Variants in RANBP2 observed in about 807,000 individuals in gnomAD.
RANBP2 encodes RAN binding protein 2.
Under a neutral mutation model 303.6 loss-of-function variants are expected in RANBP2, and 57 were observed. The observed-to-expected ratio is 0.19, with a 90% CI of 0.15 to 0.23. RANBP2 has a LOEUF of 0.23. RANBP2 is among the 10% of genes least tolerant of loss of function. The probability of loss-of-function intolerance (pLI) is 1.00; values close to 1 mark genes in which losing one functional copy is unlikely to be tolerated. For synonymous variants in RANBP2, 1,167 were observed against 1,301.5 expected, an observed-to-expected ratio of 0.90 and a Z score of 2.23; for missense variants, 3,138 against 3,780.8, an observed-to-expected ratio of 0.83 and a Z score of 4.46.
At chr2:109,581,470 T>C in the RANBP2 span, among the ~76,000 whole-genome samples, 1 of 151,622 alleles carries the variant, frequency 6.6e-6, no homozygotes, top group Non-Finnish European at 1.5e-5. Context: ...GTAAAGTTTA[T>C]TCTATGTACA....
At chr2:109,009,253 T>C in the RANBP2 span, among the ~76,000 whole-genome samples, 3 of 151,836 alleles carry the variant, frequency 2.0e-5, no homozygotes, top group Non-Finnish European at 4.4e-5. Context: ...GGCAGGAGAA[T>C]GGCATCAACC....
chr2:109,129,352 TCCCCGCCAC>T, the RANBP2 span: 5 of 871,120 alleles, frequency 5.7e-6, no homozygotes, highest in Non-Finnish European at 8.8e-6. Context: ...CGCAGGCCGG[TCCCCGCCAC>T]GCAGGCCGGT....
At chr2:108,850,139 GA>G in the RANBP2 span, among the ~76,000 whole-genome samples, 2 of 152,138 alleles carry the variant, frequency 1.3e-5, no homozygotes, top group South Asian at 2.1e-4. Context: ...TAAATATACT[GA>G]AAAAAATTCT....
At chr2:109,164,747 A>G in the RANBP2 span, among the ~76,000 whole-genome samples, 2 of 152,322 alleles carry the variant, frequency 1.3e-5, no homozygotes, top group Admixed American at 6.5e-5. Flanking sequence ...TGGCTTGCAG[A>G]ACCTCTGCAA....
the RANBP2 span, among the ~76,000 whole-genome samples, chr2:109,034,808 C>G: frequency 1.3e-5 from 2 of 152,326 alleles, no homozygotes; most frequent in African/African-American, 4.8e-5. Context: ...AAACCCCTCT[C>G]CTGTACAGAG....
At chr2:108,791,732 G>A in the RANBP2 span, 1 of 1,606,456 alleles carries the variant, frequency 6.2e-7, no homozygotes, top group Non-Finnish European at 8.5e-7. Flanking sequence ...CAGAAGAAGA[G>A]TTAATTGAAA....
chr2:108,793,444 A>G, the RANBP2 span, among the ~76,000 whole-genome samples: 1 of 152,212 alleles, frequency 6.6e-6, no homozygotes, highest in Admixed American at 6.5e-5. Context: ...ATATCAAGCA[A>G]GAGGAACTCA....
chr2:109,106,656 G>GA, the RANBP2 span, among the ~76,000 whole-genome samples: 7 of 152,034 alleles, frequency 4.6e-5, no homozygotes, highest in Non-Finnish European at 2.9e-5. Flanking sequence ...CTGACACGGT[G>GA]AAACCCCGTC....
At chr2:109,209,937 C>T in the RANBP2 span, among the ~76,000 whole-genome samples, 1 of 152,204 alleles carries the variant, frequency 6.6e-6, no homozygotes, top group African/African-American at 2.4e-5. Flanking sequence ...CTGAGCAACA[C>T]CTTTCCAAAC....
Position 108,735,598 on chromosome 2 carries a change from C to T in RANBP2, c.472C>T (p.Leu158Phe), listed in dbSNP as rs1241929621. 6.3e-7 allele frequency: 1 copy of T among 1,597,430 alleles called. No homozygotes were observed. The highest frequency in any genetic ancestry group is 1.7e-5 in the Admixed American group (1 of 59,980). The change falls in exon 5 of 29, where the codon CTT becomes TTT. Residue 158 changes from leucine (L) to phenylalanine (F), a missense_variant. Leu to Phe is a conservative substitution (Grantham distance 22). Coordinates refer to ENST00000283195, the MANE Select transcript of RANBP2 (RefSeq NM_006267.5). The stretch of plus-strand genomic sequence containing the variant: ...ACTTTTTGACTTGATTCAGTCAGAA[C>T]TTTATGTAAGACCTGATGACGTCCA... The part of the protein sequence containing the change: ...NKLFDLIQSE[L>F]YVRPDDVHVN...
the RANBP2 span, chr2:109,794,780 C>T: frequency 2.6e-5 from 2 of 76,462 alleles, no homozygotes; most frequent in Non-Finnish European, 3.3e-5. Context: ...GGCGGGAGAC[C>T]GTTGGCGCCG....
the RANBP2 span, among the ~76,000 whole-genome samples, chr2:109,454,917 G>A: frequency 6.6e-6 from 1 of 151,440 alleles, no homozygotes; most frequent in Non-Finnish European, 1.5e-5. Context: ...ATTCTTTATG[G>A]GCCAGAAAAA....
At chr2:108,944,820 C>T in the RANBP2 span, among the ~76,000 whole-genome samples, 2 of 152,156 alleles carry the variant, frequency 1.3e-5, no homozygotes, top group African/African-American at 4.8e-5. Flanking sequence ...GAGAGCTGAC[C>T]GCAGAGGCCA....
the RANBP2 span, among the ~76,000 whole-genome samples, chr2:109,032,527 C>A: frequency 6.6e-6 from 1 of 152,100 alleles, no homozygotes; most frequent in East Asian, 1.9e-4. Flanking sequence ...CATGGAAGGG[C>A]TTTCTCCTCA....
chr2:109,308,311 T>C, the RANBP2 span, among the ~76,000 whole-genome samples: 1 of 120,226 alleles, frequency 8.3e-6, no homozygotes, highest in Non-Finnish European at 1.6e-5. Context: ...TCATTGTAGA[T>C]TCTGGATATT....
At chr2:109,419,445 C>G in the RANBP2 span, 1 of 1,309,826 alleles carries the variant, frequency 7.6e-7, no homozygotes, top group South Asian at 1.4e-5. Flanking sequence ...TGGCGAAGCA[C>G]AGGCACCTGT....
chr2:109,267,267 G>A, the RANBP2 span, among the ~76,000 whole-genome samples: 1 of 152,134 alleles, frequency 6.6e-6, no homozygotes, highest in African/African-American at 2.4e-5. Flanking sequence ...ACCAGACATA[G>A]CTTCCTGTTA....
intron 26 of RANBP2, 24 bp from the exon 27 acceptor site, chr2:108,782,104 A>G (rs760934062): frequency 1.2e-4 from 197 of 1,612,302 alleles, no homozygotes; most frequent in Non-Finnish European, 1.5e-4. Flanking sequence ...AGCAGCTTAT[A>G]GAGAATTTCA....
At chr2:108,948,807 C>T in the RANBP2 span, among the ~76,000 whole-genome samples, 7 of 152,066 alleles carry the variant, frequency 4.6e-5, no homozygotes, top group Admixed American at 1.3e-4. Context: ...GACACAGAGA[C>T]AAATCATCAT....
Sources: gnomAD v4.1 joint callset for allele counts (sites outside exome capture counted in the v4.1 genomes callset) on GRCh38, gnomAD v4.1.1 for gene constraint, MANE v1.5 for transcripts, NCBI Gene and HGNC (gene_info 2026-07-23, HGNC 2026-07-21) for gene names.